Variants in RYR2 observed in about 807,000 individuals in gnomAD.
RYR2 encodes the protein ryanodine receptor 2.
A neutral mutation model predicts 601.1 loss-of-function variants in RYR2; 227 were observed. That is an observed-to-expected ratio of 0.38 (90% CI 0.34 to 0.42). RYR2 has a LOEUF of 0.42. RYR2 is among the 10% of genes least tolerant of loss of function. The probability of loss-of-function intolerance (pLI) is 1.00; values close to 1 mark genes in which losing one functional copy is unlikely to be tolerated. For synonymous variants in RYR2, 2,223 were observed against 2,175.1 expected (o/e 1.02, Z -0.61); for missense variants, 4,646 against 6,156.5 (o/e 0.75, Z 8.21).
intron 1 of RYR2, among the ~76,000 whole-genome samples, chr1:237,204,121 C>T (rs552496809): frequency 6.6e-6 from 1 of 152,320 alleles, no homozygotes; most frequent in African/African-American, 2.4e-5. Context: ...AGTGATTCTC[C>T]TGCCTCAGCC....
At chr1:237,074,999 T>C (rs1188009516) in intron 1 of RYR2, among the ~76,000 whole-genome samples, 1 of 152,182 alleles carries the variant, frequency 6.6e-6, no homozygotes, top group South Asian at 2.1e-4. Context: ...GGGAGCTATA[T>C]TGATAGAGAA....
chr1:237,517,564 A>G (rs1400433137), intron 24 of RYR2, among the ~76,000 whole-genome samples: 3 of 152,154 alleles, frequency 2.0e-5, no homozygotes, highest in Non-Finnish European at 4.4e-5. Flanking sequence ...GCCACATTCA[A>G]AGCCATCCTG....
At chr1:237,366,014 G>A (rs535999213) in intron 5 of RYR2, among the ~76,000 whole-genome samples, 1 of 152,286 alleles carries the variant, frequency 6.6e-6, no homozygotes, top group Non-Finnish European at 1.5e-5. Flanking sequence ...TAAGGGGAGG[G>A]CATATGCATG....
intron 27 of RYR2, among the ~76,000 whole-genome samples, chr1:237,551,752 A>G (rs1255128131): frequency 6.6e-6 from 1 of 152,216 alleles, no homozygotes; most frequent in African/African-American, 2.4e-5. Context: ...ACCTGTACAT[A>G]AAAGTGGATC....
At chr1:237,452,971 A>G (rs565032701) in intron 14 of RYR2, among the ~76,000 whole-genome samples, 2 of 152,036 alleles carry the variant, frequency 1.3e-5, no homozygotes, top group Non-Finnish European at 2.9e-5. Context: ...TCAATGTAAT[A>G]ACCTAAAAAC....
At chr1:237,433,291 T>C (rs1707010979) in intron 12 of RYR2, among the ~76,000 whole-genome samples, 1 of 151,940 alleles carries the variant, frequency 6.6e-6, no homozygotes. Flanking sequence ...GAAACACATA[T>C]CTAAAACTAC....
intron 1 of RYR2, among the ~76,000 whole-genome samples, chr1:237,225,161 A>G (rs1280351194): frequency 6.6e-6 from 1 of 152,100 alleles, no homozygotes; most frequent in Non-Finnish European, 1.5e-5. Context: ...CCATTTTCTT[A>G]CCTGGGTTCT....
At chr1:237,506,602 C>A (rs1289005549) in intron 22 of RYR2, 108 bp from the exon 23 acceptor site, 2 of 614,890 alleles carry the variant, frequency 3.3e-6, no homozygotes, top group Non-Finnish European at 5.5e-6. Context: ...TCTATGATTA[C>A]TGGTTTATGA....
intron 97 of RYR2, 72 bp from the exon 98 acceptor site, chr1:237,801,784 T>A: frequency 1.1e-6 from 1 of 926,538 alleles, no homozygotes; most frequent in Non-Finnish European, 1.7e-6. Flanking sequence ...GTGAAGGCCG[T>A]CAGGCTCTCG....
At chr1:237,722,699 C>G (rs747521809) in intron 73 of RYR2, among the ~76,000 whole-genome samples, 9 of 152,144 alleles carry the variant, frequency 5.9e-5, no homozygotes, top group Non-Finnish European at 1.2e-4. Context: ...TCCCAAAGTG[C>G]TGGGATTACA....
In RYR2 at chr1:237,792,370, TGTGTGTGTGTGCGTGTGTGTGTGTGTGC is replaced by T. The variant is rs1344264002; in HGVS notation, c.13782+59_13782+86del. 6.2e-5 allele frequency: 59 copies of T among 945,986 alleles called. No homozygotes were observed. The African/African-American group carries it at 1.2e-3, about 19-fold the overall frequency. The allele number at this position is 945,986 out of a possible 1,614,324, so 58.6% of individuals were successfully genotyped here. ...GTACCTGTGTGTGTGTGTGTGTGTG[TGTGTGTGTGTGCGTGTGTGTGTGTGTGC>T]GTGTGTGTGTGTGTGTGTGTGTGTG... On this transcript the variant is annotated intron_variant, in intron 94 of 104. Transcript: ENST00000366574.
At chr1:237,722,676 G>T (rs1052504814) in intron 73 of RYR2, among the ~76,000 whole-genome samples, 1 of 151,904 alleles carries the variant, frequency 6.6e-6, no homozygotes, top group Non-Finnish European at 1.5e-5. Flanking sequence ...CTCATGATCC[G>T]CCCACCTCGG....
At chr1:237,047,285 A>G (rs1158975856) in intron 1 of RYR2, among the ~76,000 whole-genome samples, 2 of 152,020 alleles carry the variant, frequency 1.3e-5, no homozygotes, top group Non-Finnish European at 2.9e-5. Flanking sequence ...TTGTCCTTCC[A>G]GCCAGTGAAA....
rs1343838449 is a variant in RYR2 at position 237,569,291 on chromosome 1, G to A, written c.3570G>A (p.Leu1190=). ...EILLDDSGSE[L]AFKDFDVGDG... is the part of the protein sequence containing the mutation. ...TTCTTGATGATTCAGGCTCAGAACT[G>A]GCTTTCAAGGACTTTGATGTTGGCG... Residue 1190 remains leucine, a synonymous_variant, in exon 29 of 105, where the codon CTG becomes CTA. Coordinates refer to ENST00000366574, the MANE Select transcript of RYR2 (RefSeq NM_001035.3). 1 of 1,613,830 alleles carries A rather than the reference G, an allele frequency of 6.2e-7. No homozygotes were observed. The highest frequency in any genetic ancestry group is 1.1e-5 in the South Asian group (1 of 91,060).
intron 24 of RYR2, among the ~76,000 whole-genome samples, chr1:237,529,935 T>C (rs1003363962): frequency 2.6e-5 from 4 of 152,158 alleles, no homozygotes; most frequent in Non-Finnish European, 5.9e-5. Flanking sequence ...TATTCCTTTT[T>C]GTGCCATTTC....
chr1:237,271,698 GACAA>G (rs1015256820), intron 2 of RYR2, among the ~76,000 whole-genome samples: 8 of 152,284 alleles, frequency 5.3e-5, no homozygotes, highest in African/African-American at 1.7e-4. Flanking sequence ...CAGTATCTAA[GACAA>G]ACTAAGTGGC....
At chr1:237,205,517 A>G (rs1011322369) in intron 1 of RYR2, among the ~76,000 whole-genome samples, 1 of 152,120 alleles carries the variant, frequency 6.6e-6, no homozygotes, top group Non-Finnish European at 1.5e-5. Flanking sequence ...AATCAGAAGG[A>G]GGGAAGAGCT....
intron 16 of RYR2, among the ~76,000 whole-genome samples, chr1:237,458,290 G>A (rs1013486130): frequency 5.3e-5 from 8 of 152,054 alleles, no homozygotes; most frequent in South Asian, 4.1e-4. Context: ...TTAGCCGAGC[G>A]TGGTGGCGGG....
chr1:237,282,963 T>C (rs529873462), intron 2 of RYR2, among the ~76,000 whole-genome samples: 4 of 152,306 alleles, frequency 2.6e-5, no homozygotes, highest in Admixed American at 2.6e-4. Flanking sequence ...GAAAGCTTTC[T>C]AACAGTGGAT....
Sources: gnomAD v4.1 joint callset for allele counts (sites outside exome capture counted in the v4.1 genomes callset) on GRCh38, gnomAD v4.1.1 for gene constraint, MANE v1.5 for transcripts, NCBI Gene and HGNC (gene_info 2026-07-23, HGNC 2026-07-21) for gene names.